Variants in NDUFAF6 observed in about 807,000 individuals in gnomAD.
The protein encoded by NDUFAF6 is NADH dehydrogenase (ubiquinone) complex I, assembly factor 6.
A neutral mutation model predicts 40.8 loss-of-function variants in NDUFAF6; 45 were observed. The observed-to-expected ratio is 1.10, with a 90% CI of 0.87 to 1.42. The LOEUF (loss-of-function observed/expected upper bound fraction) is 1.42. Among genes scored for constraint, NDUFAF6 ranks in the 40% most tolerant of loss-of-function variants. NDUFAF6 has a pLI of 0.00. For missense variants in NDUFAF6, 435 were observed against 418.5 expected (o/e 1.04, Z -0.34); for synonymous variants, 185 against 155.9 (o/e 1.19, Z -1.39).
chr8:95,043,365 A>C (rs1830360113), intron 4 of NDUFAF6, among the ~76,000 whole-genome samples: 1 of 152,084 alleles, frequency 6.6e-6, no homozygotes. Flanking sequence ...CTGGGATTAC[A>C]GGCTTGAGCC....
At chr8:94,913,538 G>A (rs1818924429) in intron 1 of NDUFAF6, among the ~76,000 whole-genome samples, 1 of 152,050 alleles carries the variant, frequency 6.6e-6, no homozygotes, top group South Asian at 2.1e-4. Flanking sequence ...GGCTCACGCC[G>A]GTAATCCCAA....
At chr8:95,007,922 C>G (rs909982913) in intron 2 of NDUFAF6, among the ~76,000 whole-genome samples, 3 of 152,024 alleles carry the variant, frequency 2.0e-5, no homozygotes, top group Non-Finnish European at 2.9e-5. Context: ...CGGGGTCTCA[C>G]TATGTTGCCC....
intron 2 of NDUFAF6, chr8:94,988,623 A>G (rs1038905984): frequency 2.6e-5 from 4 of 152,160 alleles, no homozygotes; most frequent in Non-Finnish European, 5.9e-5. Flanking sequence ...CTATTCAAAA[A>G]TGTCTTAGGC....
intron 2 of NDUFAF6, among the ~76,000 whole-genome samples, chr8:94,984,720 A>G (rs542427248): frequency 6.6e-6 from 1 of 152,360 alleles, no homozygotes; most frequent in Admixed American, 6.5e-5. Flanking sequence ...GTCTAAAAGC[A>G]GATGTGGAAG....
chr8:94,978,381 C>T (rs1466908604), intron 1 of NDUFAF6, among the ~76,000 whole-genome samples: 1 of 152,166 alleles, frequency 6.6e-6, no homozygotes, highest in Non-Finnish European at 1.5e-5. Flanking sequence ...ACCTCTTCAT[C>T]TGGCTGTTCA....
At chr8:95,074,207 T>C (rs1832962458) in intron 9 of NDUFAF6, among the ~76,000 whole-genome samples, 1 of 151,808 alleles carries the variant, frequency 6.6e-6, no homozygotes, top group Non-Finnish European at 1.5e-5. Context: ...TATAATAAGG[T>C]TTTAAAAAGA....
intron 2 of NDUFAF6, among the ~76,000 whole-genome samples, chr8:95,083,628 C>CATCAAAT (rs1429879390): frequency 6.6e-6 from 1 of 152,054 alleles, no homozygotes; most frequent in East Asian, 1.9e-4. Context: ...TAAAAATAGC[C>CATCAAAT]ATCAAAATAT....
intron 2 of NDUFAF6, among the ~76,000 whole-genome samples, chr8:95,008,054 G>A (rs1217470727): frequency 6.6e-6 from 1 of 152,118 alleles, no homozygotes; most frequent in East Asian, 1.9e-4. Flanking sequence ...TGGAAGGAGA[G>A]TGTCTTCTTT....
rs529844750 is a variant in NDUFAF6, at chr8:94,993,809, GATT to G, written c.-84+12840_-84+12842del. On this transcript the variant is annotated intron_variant, in intron 2 of 9. Coordinates refer to the NDUFAF6 transcript ENST00000396111. The stretch of plus-strand genomic sequence containing the variant: ...TAGTTGTTTTAAGCCACTAAAACAT[GATT>G]ATTGTTATAAATCACTATTTTTACA... 1.4e-3 allele frequency among the ~76,000 whole-genome samples: 212 copies of G among 152,332 alleles called. 1 individual carries two copies. Among genetic ancestry groups the G allele is most frequent in the South Asian group, 5.8e-3 (28 of 4,832 alleles).
At chr8:95,045,177 A>AG (rs902933717) in intron 4 of NDUFAF6, among the ~76,000 whole-genome samples, 2 of 151,986 alleles carry the variant, frequency 1.3e-5, no homozygotes, top group African/African-American at 4.8e-5. Flanking sequence ...TATCTCTTGG[A>AG]GGGGGGGTTG....
intron 1 of NDUFAF6, among the ~76,000 whole-genome samples, chr8:94,970,522 T>C (rs1202553240): frequency 6.6e-6 from 1 of 152,020 alleles, no homozygotes; most frequent in Non-Finnish European, 1.5e-5. Flanking sequence ...ATCTAGGAGT[T>C]CGAGGTTATA....
At chr8:94,921,702 G>C (rs978807178) in intron 1 of NDUFAF6, among the ~76,000 whole-genome samples, 24 of 152,178 alleles carry the variant, frequency 1.6e-4, no homozygotes, top group Admixed American at 1.6e-3. Flanking sequence ...GAAACCATCT[G>C]GGGAATCCTA....
upstream of NDUFAF6, among the ~76,000 whole-genome samples, chr8:94,957,464 T>G (rs1277995915): frequency 1.3e-5 from 2 of 150,596 alleles, no homozygotes; most frequent in Non-Finnish European, 3.0e-5. Flanking sequence ...CCAAGAAGAG[T>G]GAGAAGGGAC....
chr8:94,940,179 C>T (rs963363402), intron 1 of NDUFAF6: 16 of 1,613,700 alleles, frequency 9.9e-6, no homozygotes, highest in Non-Finnish European at 1.4e-5. Context: ...CTGATGTCCT[C>T]CTCTTCTTCT....
At chr8:95,090,969 T>C (rs1181416415) in intron 2 of NDUFAF6, among the ~76,000 whole-genome samples, 1 of 142,306 alleles carries the variant, frequency 7.0e-6, no homozygotes, top group African/African-American at 2.6e-5. Flanking sequence ...AGACAGCCTA[T>C]TGTGGGACCT....
intron 9 of NDUFAF6, among the ~76,000 whole-genome samples, chr8:95,072,173 C>T (rs771462906): frequency 1.3e-5 from 2 of 152,140 alleles, no homozygotes; most frequent in Non-Finnish European, 2.9e-5. Context: ...CTCCTGCCTT[C>T]CCCTTCCTGG....
At chr8:95,033,508 A>G (rs748871701) in intron 2 of NDUFAF6, among the ~76,000 whole-genome samples, 5 of 152,242 alleles carry the variant, frequency 3.3e-5, no homozygotes, top group Non-Finnish European at 7.3e-5. Flanking sequence ...CATAGTCTGT[A>G]TTCAATGCTA....
rs963314034 is a variant in NDUFAF6, at chr8:95,041,835, G to A, written c.477+209G>A. On this transcript the variant is annotated intron_variant, in intron 4 of 8. Coordinates refer to ENST00000396124, the MANE Select transcript of NDUFAF6 (RefSeq NM_152416.4). ...GACAAGCACCAAGGCAGAGGCATGTGTATGCACAACCACACTCCACTATTT... is the reference window on the plus strand; with the variant it reads ...GACAAGCACCAAGGCAGAGGCATGTATATGCACAACCACACTCCACTATTT... Among the ~76,000 whole-genome samples the A allele has an allele frequency of 3.5e-4, 54 of 152,206 alleles. 1 individual carries two copies. Among genetic ancestry groups the A allele is most frequent in the African/African-American group, 1.3e-3 (52 of 41,532 alleles).
At chr8:95,018,205 A>ATTT (rs34118633) in intron 2 of NDUFAF6, among the ~76,000 whole-genome samples, 1,723 of 145,138 alleles carry the variant, frequency 0.012, 33 homozygotes, top group African/African-American at 0.037. Context: ...ATGCTTGGCT[A>ATTT]TTTTTTTTTT....
Sources: allele counts gnomAD v4.1 joint callset (sites outside exome capture counted in the v4.1 genomes callset), GRCh38; gene constraint gnomAD v4.1.1; transcripts MANE v1.5; gene names NCBI Gene and HGNC (gene_info 2026-07-23, HGNC 2026-07-21).